The following CPNE4 variants were observed in gnomAD, a reference collection of about 807,000 sequenced individuals.
The protein encoded by CPNE4 is copine-4.
In CPNE4, 25 loss-of-function variants were observed where a neutral mutation model predicts 67.9. The ratio of observed to expected loss-of-function variants is 0.37; its 90% confidence interval spans 0.27 to 0.51. The LOEUF is 0.51. Ranked by LOEUF, CPNE4 falls within the 20% of genes least tolerant of loss-of-function variation. The probability of loss-of-function intolerance (pLI) is 0.93; values close to 1 mark genes in which losing one functional copy is unlikely to be tolerated. For synonymous variants in CPNE4, 242 were observed against 244.9 expected (o/e 0.99, Z 0.11); for missense variants, 464 against 690.8 (o/e 0.67, Z 3.68).
intron 7 of CPNE4, among the ~76,000 whole-genome samples, chr3:131,629,400 T>TTC (rs397967243): frequency 2.0e-5 from 3 of 152,004 alleles, no homozygotes; most frequent in African/African-American, 7.3e-5. Context: ...TCTTTTTTTT[T>TTC]CAGACATAAT....
chr3:131,950,381 G>A (rs1428557445), intron 1 of CPNE4, among the ~76,000 whole-genome samples: 2 of 152,070 alleles, frequency 1.3e-5, no homozygotes, highest in Non-Finnish European at 2.9e-5. Flanking sequence ...TACTCTTAGG[G>A]GCCACTTTTA....
intron 1 of CPNE4, among the ~76,000 whole-genome samples, chr3:131,980,422 T>C (rs771146434): frequency 2.6e-5 from 4 of 152,152 alleles, no homozygotes; most frequent in Non-Finnish European, 5.9e-5. Flanking sequence ...CTTTGTTGGA[T>C]TGGGTTAATT....
intron 2 of CPNE4, among the ~76,000 whole-genome samples, chr3:131,753,757 T>G (rs764514450): frequency 7.9e-5 from 12 of 152,186 alleles, no homozygotes; most frequent in Non-Finnish European, 1.2e-4. Context: ...GGTTAAAATT[T>G]TTTTAAAAGA....
At chr3:131,948,496 C>T (rs534358936) in intron 1 of CPNE4, among the ~76,000 whole-genome samples, 2 of 152,288 alleles carry the variant, frequency 1.3e-5, no homozygotes, top group African/African-American at 4.8e-5. Context: ...TTCTTCATAG[C>T]AGTGTGAAAA....
chr3:131,557,936 T>C (rs1936552711), intron 11 of CPNE4, among the ~76,000 whole-genome samples: 1 of 151,644 alleles, frequency 6.6e-6, no homozygotes, highest in Non-Finnish European at 1.5e-5. Context: ...AAACTGGGAG[T>C]CTCCACACCC....
intron 9 of CPNE4, among the ~76,000 whole-genome samples, chr3:131,576,979 G>T (rs1232951001): frequency 1.3e-5 from 2 of 152,008 alleles, no homozygotes; most frequent in African/African-American, 2.4e-5. Context: ...CATGCTAAAA[G>T]GCAGGTTGTT....
intron 3 of CPNE4, among the ~76,000 whole-genome samples, chr3:131,717,458 C>A (rs1053262806): frequency 1.3e-5 from 2 of 152,144 alleles, no homozygotes; most frequent in South Asian, 2.1e-4. Context: ...ATTAAGCTCC[C>A]ACATCTATAT....
At chr3:132,035,209 A>G (rs13093218), upstream of CPNE4, 75,563 of 200,048 alleles carry the variant, frequency 0.38, 14,713 homozygotes, top group South Asian at 0.47. Context: ...TTGTCGCTCA[A>G]CTGAGCTCCT....
intron 7 of CPNE4, among the ~76,000 whole-genome samples, chr3:131,624,971 C>T (rs566525301): frequency 1.3e-5 from 2 of 152,100 alleles, no homozygotes; most frequent in Admixed American, 6.6e-5. Flanking sequence ...TGGTCCTTAC[C>T]CTATGCAAAC....
chr3:132,034,078 G>T (rs2074297496), intron 1 of CPNE4, among the ~76,000 whole-genome samples: 1 of 152,190 alleles, frequency 6.6e-6, no homozygotes, highest in Admixed American at 6.5e-5. Flanking sequence ...TAAGAAGTGT[G>T]GGGGAGGAGG....
chr3:131,662,316 G>A (rs577009553), intron 7 of CPNE4, among the ~76,000 whole-genome samples: 12 of 152,280 alleles, frequency 7.9e-5, no homozygotes, highest in African/African-American at 2.4e-4. Flanking sequence ...AATTTCAATT[G>A]AAGATGGCCT....
intron 7 of CPNE4, 126 bp downstream of exon 7, chr3:131,669,549 T>C (rs969112598): frequency 3.0e-6 from 2 of 667,072 alleles, no homozygotes; most frequent in African/African-American, 3.7e-5. Flanking sequence ...ATCGAGATGC[T>C]AAAAGATGAG....
At chr3:131,778,502 AAC>A (rs1193594493) in intron 2 of CPNE4, among the ~76,000 whole-genome samples, 1 of 152,106 alleles carries the variant, frequency 6.6e-6, no homozygotes, top group African/African-American at 2.4e-5. Flanking sequence ...CACCACAGGA[AAC>A]ACATGTAAAA....
chr3:131,798,929 A>G (rs2083995795), intron 2 of CPNE4, among the ~76,000 whole-genome samples: 1 of 152,186 alleles, frequency 6.6e-6, no homozygotes, highest in African/African-American at 2.4e-5. Flanking sequence ...CACAAACCCA[A>G]AAGAAATTAA....
chr3:131,862,418 T>G (rs2086727808), intron 2 of CPNE4, among the ~76,000 whole-genome samples: 1 of 152,108 alleles, frequency 6.6e-6, no homozygotes, highest in African/African-American at 2.4e-5. Flanking sequence ...GCTCAATACC[T>G]CATCTTCTAT....
chr3:131,647,021 T>C (rs2079684974), intron 7 of CPNE4, among the ~76,000 whole-genome samples: 1 of 152,230 alleles, frequency 6.6e-6, no homozygotes, highest in South Asian at 2.1e-4. Context: ...AGGGGCATTC[T>C]ACTGTGCCTG....
chr3:131,600,624 C>T (rs1035783847), intron 7 of CPNE4, among the ~76,000 whole-genome samples: 2 of 147,392 alleles, frequency 1.4e-5, no homozygotes, highest in Non-Finnish European at 3.0e-5. Flanking sequence ...TATTCTCCCA[C>T]TCTGACCCCG....
intron 2 of CPNE4, among the ~76,000 whole-genome samples, chr3:131,884,679 G>C (rs2087809957): frequency 6.6e-6 from 1 of 152,170 alleles, no homozygotes; most frequent in South Asian, 2.1e-4. Flanking sequence ...CCTGGTGGGA[G>C]ATAAATGAAT....
intron 10 of CPNE4, among the ~76,000 whole-genome samples, chr3:131,573,309 G>T (rs530734541): frequency 6.6e-5 from 10 of 152,164 alleles, no homozygotes; most frequent in African/African-American, 2.2e-4. Context: ...ACACTGGAGG[G>T]CATGGGGAGC....
Sources: gnomAD v4.1 joint callset for allele counts (sites outside exome capture counted in the v4.1 genomes callset) on GRCh38, gnomAD v4.1.1 for gene constraint, MANE v1.5 for transcripts, NCBI Gene and HGNC (gene_info 2026-07-23, HGNC 2026-07-21) for gene names.